The following GPC5 variants were observed in gnomAD, a reference collection of about 807,000 sequenced individuals.
GPC5 encodes glypican-5.
Under a neutral mutation model 53.9 loss-of-function variants are expected in GPC5, and 47 were observed. The observed-to-expected ratio is 0.87, with a 90% CI of 0.69 to 1.11. GPC5 has a LOEUF of 1.11. Among genes scored for constraint, GPC5 ranks in the 50% most tolerant of loss-of-function variants. The pLI, the probability that GPC5 is intolerant of heterozygous loss-of-function variation, is 0.00. For missense variants in GPC5, 748 were observed against 713.1 expected (o/e 1.05, Z -0.56); for synonymous variants, 286 against 263.3 (o/e 1.09, Z -0.84).
At chr13:92,664,946 A>G (rs759152545) in intron 7 of GPC5, among the ~76,000 whole-genome samples, 2 of 152,206 alleles carry the variant, frequency 1.3e-5, no homozygotes, top group Non-Finnish European at 2.9e-5. Context: ...TGACCATTCC[A>G]TGGAATATTA....
intron 7 of GPC5, among the ~76,000 whole-genome samples, chr13:92,202,915 A>C (rs550852947): frequency 2.6e-5 from 4 of 152,180 alleles, no homozygotes; most frequent in African/African-American, 9.6e-5. Context: ...ACTTTTCAAG[A>C]GAACTTATGC....
chr13:91,906,206 A>C (rs1474598176), intron 5 of GPC5, among the ~76,000 whole-genome samples: 3 of 151,920 alleles, frequency 2.0e-5, no homozygotes. Flanking sequence ...TGCTTTGTTC[A>C]CATACCTTTG....
chr13:91,497,123 G>A (rs1226586149), intron 2 of GPC5, among the ~76,000 whole-genome samples: 1 of 151,288 alleles, frequency 6.6e-6, no homozygotes, highest in Non-Finnish European at 1.5e-5. Flanking sequence ...ATGGAACAAT[G>A]CTTGTTTTTT....
intron 7 of GPC5, among the ~76,000 whole-genome samples, chr13:92,501,628 T>C (rs1443127251): frequency 6.6e-6 from 1 of 151,880 alleles, no homozygotes; most frequent in African/African-American, 2.4e-5. Flanking sequence ...CCCAAAGAAG[T>C]GTGGGCCGAG....
chr13:91,647,027 ATATT>A (rs925352814), intron 2 of GPC5, among the ~76,000 whole-genome samples: 15 of 152,052 alleles, frequency 9.9e-5, no homozygotes, highest in African/African-American at 3.6e-4. Context: ...ATGAAATAAA[ATATT>A]TATAAGAGAA....
At chr13:92,602,242 A>ATATATATATAT (rs1884097487) in intron 7 of GPC5, among the ~76,000 whole-genome samples, 1 of 121,240 alleles carries the variant, frequency 8.2e-6, no homozygotes, top group Non-Finnish European at 1.8e-5. Flanking sequence ...ACATATATAT[A>ATATATATATAT]TATATATATA....
intron 2 of GPC5, among the ~76,000 whole-genome samples, chr13:91,461,920 C>G (rs1348852713): frequency 2.6e-5 from 4 of 152,058 alleles, no homozygotes; most frequent in Non-Finnish European, 5.9e-5. Context: ...AAAATACCCT[C>G]TAAATTCGCA....
chr13:91,908,090 C>T, intron 6 of GPC5, 33 bp downstream of exon 6: 2 of 1,405,854 alleles, frequency 1.4e-6, no homozygotes, highest in Non-Finnish European at 1.9e-6. Context: ...TTAGTATACT[C>T]AGTCATAAAT....
chr13:92,518,742 A>C (rs564551409), intron 7 of GPC5, among the ~76,000 whole-genome samples: 40 of 152,328 alleles, frequency 2.6e-4, no homozygotes, highest in African/African-American at 9.6e-4. Flanking sequence ...ATAACCAGCT[A>C]ACATCATAAT....
chr13:91,975,402 A>G (rs975137194), intron 6 of GPC5, among the ~76,000 whole-genome samples: 3 of 152,138 alleles, frequency 2.0e-5, no homozygotes, highest in African/African-American at 7.2e-5. Context: ...AGAATCTACA[A>G]TGAACTCAAA....
chr13:92,110,261 AG>A (rs1387025264), intron 6 of GPC5, among the ~76,000 whole-genome samples: 1 of 152,182 alleles, frequency 6.6e-6, no homozygotes, highest in Non-Finnish European at 1.5e-5. Context: ...AGGTAGTGGA[AG>A]GGAATTTTTA....
At chr13:92,551,272 G>A (rs1882301934) in intron 7 of GPC5, among the ~76,000 whole-genome samples, 2 of 150,370 alleles carry the variant, frequency 1.3e-5, no homozygotes, top group South Asian at 4.2e-4. Context: ...CATAGACACT[G>A]GTAATCTAAA....
At chr13:92,174,991 A>G (rs552951492) in intron 7 of GPC5, among the ~76,000 whole-genome samples, 72 of 152,278 alleles carry the variant, frequency 4.7e-4, no homozygotes, top group Non-Finnish European at 1.0e-3. Flanking sequence ...CTGGGGTTAC[A>G]GGGATGCGCC....
chr13:92,191,575 C>G (rs2042223113), intron 7 of GPC5, among the ~76,000 whole-genome samples: 1 of 152,150 alleles, frequency 6.6e-6, no homozygotes, highest in Non-Finnish European at 1.5e-5. Context: ...TGGATCTTTA[C>G]AGCAGCTTTA....
intron 7 of GPC5, among the ~76,000 whole-genome samples, chr13:92,757,288 C>A (rs1193947034): frequency 6.6e-6 from 1 of 152,124 alleles, no homozygotes; most frequent in Non-Finnish European, 1.5e-5. Context: ...ATGTAGAAAG[C>A]TGAAACTGGA....
At chr13:91,643,097 A>G (rs2034472476) in intron 2 of GPC5, among the ~76,000 whole-genome samples, 1 of 152,102 alleles carries the variant, frequency 6.6e-6, no homozygotes, top group Admixed American at 6.6e-5. Context: ...GAGCATGGGG[A>G]TGGAGGAGAC....
chr13:91,441,809 C>G (rs1340557450), intron 1 of GPC5, among the ~76,000 whole-genome samples: 1 of 152,118 alleles, frequency 6.6e-6, no homozygotes, highest in East Asian at 1.9e-4. Flanking sequence ...GTAGGAGGAG[C>G]AAGTTTGCCA....
intron 7 of GPC5, among the ~76,000 whole-genome samples, chr13:92,337,445 T>G (rs571882118): frequency 7.2e-5 from 11 of 152,116 alleles, no homozygotes; most frequent in Non-Finnish European, 1.3e-4. Flanking sequence ...ATTCTAATGT[T>G]TATATGGAGA....
chr13:92,744,224 C>A (rs1301089100), intron 7 of GPC5, among the ~76,000 whole-genome samples: 1 of 140,678 alleles, frequency 7.1e-6, no homozygotes, highest in Non-Finnish European at 1.6e-5. Flanking sequence ...ATTTAGCCTT[C>A]TGGTTTGGAA....
Sources: gnomAD v4.1 joint callset for allele counts (sites outside exome capture counted in the v4.1 genomes callset) on GRCh38, gnomAD v4.1.1 for gene constraint, MANE v1.5 for transcripts, NCBI Gene and HGNC (gene_info 2026-07-23, HGNC 2026-07-21) for gene names.